ANO9: variants seen among roughly 807,000 people sequenced by gnomAD.
The protein encoded by ANO9 is anoctamin-9.
Under a neutral mutation model 100.5 loss-of-function variants are expected in ANO9, and 80 were observed. That is an observed-to-expected ratio of 0.80 (90% CI 0.66 to 0.96). The LOEUF (loss-of-function observed/expected upper bound fraction) is 0.96, where lower values mean the gene tolerates loss of function less well. Among genes scored for constraint, ANO9 ranks in the 40% least tolerant of loss-of-function variants. The pLI, the probability that ANO9 is intolerant of heterozygous loss-of-function variation, is 0.00. For missense variants in ANO9, 1,064 were observed against 1,072.7 expected, an observed-to-expected ratio of 0.99 and a Z score of 0.11; for synonymous variants, 473 against 435.6, an observed-to-expected ratio of 1.09 and a Z score of -1.07.
rs549448855 is a variant in ANO9 at position 425,295 on chromosome 11, G to A, written c.1334+2793C>T. Among the ~76,000 whole-genome samples, 9 of 148,716 alleles carry A rather than the reference G, an allele frequency of 6.1e-5. No individual in the cohort carries two copies. In the South Asian group the frequency reaches 1.9e-3, roughly 32 times the overall value. ...CGTGGAGAGACGGGACGCGCGGGAG[G>A]AAAAGGCTCCCAAGGAAGATCTCTG... On this transcript the variant is annotated intron_variant, in intron 15 of 22. Transcript: ENST00000332826.
intron 15 of ANO9, among the ~76,000 whole-genome samples, chr11:425,622 C>T (rs577501782): frequency 5.3e-5 from 8 of 149,900 alleles, no homozygotes; most frequent in East Asian, 3.9e-4. Context: ...AAAAATGCTC[C>T]GATAATATGA....
At position 431,773 on chromosome 11, in the gene ANO9, T is replaced by C. The variant is rs776356345; in HGVS notation, c.466-6A>G. 1.2e-6 allele frequency: 2 copies of C among 1,612,394 alleles called. No homozygotes were observed. The highest frequency in any genetic ancestry group is 1.7e-6 in the Non-Finnish European group (2 of 1,179,508). ...TTCTTCAGGCGTCCCTCCCCCTGGCTCGGGTGACAGAGAGTGAGAGCCCCC... is the reference window on the plus strand; with the variant it reads ...TTCTTCAGGCGTCCCTCCCCCTGGCCCGGGTGACAGAGAGTGAGAGCCCCC... On this transcript the variant is annotated splice_region_variant and splice_polypyrimidine_tract_variant and intron_variant, in intron 6 of 22. Coordinates refer to ENST00000332826, the MANE Select transcript of ANO9 (RefSeq NM_001012302.3).
rs1376537426 is a variant in ANO9 at position 431,396 on chromosome 11, C to T, written c.539+298G>A. On this transcript the variant is annotated intron_variant, in intron 7 of 22. Coordinates refer to ENST00000332826, the MANE Select transcript of ANO9 (RefSeq NM_001012302.3). ...GGGGGCTCCCGCGGGTATCTGGGGG[C>T]GTCTGCGGGGATGTGGGGGCGTCCG... 3.0e-5 allele frequency among the ~76,000 whole-genome samples: 3 copies of T among 98,652 alleles called. No homozygotes were observed. In the East Asian group the frequency reaches 1.0e-3, roughly 34 times the overall value. The allele number at this position is 98,652 out of a possible 152,430, so 64.7% of individuals were successfully genotyped here. A position where few individuals can be genotyped will look rare whatever the true frequency, so the allele number is the denominator to read the frequency against.
At chr11:439,961 G>T (rs1184546226) in intron 1 of ANO9, among the ~76,000 whole-genome samples, 1 of 152,260 alleles carries the variant, frequency 6.6e-6, no homozygotes, top group Non-Finnish European at 1.5e-5. Flanking sequence ...TGGACGCAGG[G>T]GCGGGGGCCT....
rs1204792075 is a variant in ANO9 at position 429,760 on chromosome 11, CAG to C, written c.828_829del (p.Trp277GlyfsTer37). ...AGAGGCGTCCCGCAGCAACTCACCC[CAG>C]AGAGCCATGAAGATGGCGAACACCA... On this transcript the variant is annotated frameshift_variant, in exon 10 of 23. Coordinates refer to ENST00000332826, the MANE Select transcript of ANO9 (RefSeq NM_001012302.3). LOFTEE classifies it high-confidence loss of function. 1 of 1,611,246 alleles carries C rather than the reference CAG, an allele frequency of 6.2e-7. No homozygotes were observed. The highest frequency in any genetic ancestry group is 8.5e-7 in the Non-Finnish European group (1 of 1,178,986).
At position 430,254 on chromosome 11, in the gene ANO9, C is replaced by T; in HGVS notation, c.674+15G>A. ...CCACCCCGGCCCCCCATGCCCGGCC[C>T]CTGCTGCGGCCCACCTGATCTGGCT... On this transcript the variant is annotated intron_variant, in intron 8 of 22. Transcript: ENST00000332826. The T allele has an allele frequency of 6.4e-7, 1 of 1,556,658 alleles. No individual in the cohort carries two copies. The highest frequency in any genetic ancestry group is 8.7e-7 in the Non-Finnish European group (1 of 1,150,976).
Position 418,355 on chromosome 11 carries a change from T to C in ANO9, c.*16A>G. ...CACTGTCTCAGCTCCTGGTGGCCTC[T>C]GGACGGGCTCTGGCCCTACACGTCT... is the stretch of plus-strand genomic sequence containing the variant. On this transcript the variant is annotated 3_prime_UTR_variant, in exon 23 of 23. Coordinates refer to ENST00000332826, the MANE Select transcript of ANO9 (RefSeq NM_001012302.3). The C allele has an allele frequency of 6.3e-7, 1 of 1,579,042 alleles. No individual in the cohort carries two copies. Among genetic ancestry groups the C allele is most frequent in the Non-Finnish European group, 8.6e-7 (1 of 1,163,216 alleles).
chr11:439,802 C>CTCCTCAGA (rs11281803), intron 1 of ANO9, among the ~76,000 whole-genome samples: 3 of 152,166 alleles, frequency 2.0e-5, no homozygotes, highest in African/African-American at 7.2e-5. Flanking sequence ...GCTGGCTCTG[C>CTCCTCAGA]GCTCCTGAAG....
rs191836215 is a variant in ANO9, at chr11:423,610, C to T, written c.1335-2412G>A. ...ATAGCCTCCACCTCCCAGGCTCCAGCGATCCTCCTACCTCAGCCTCCCAAG... is the reference window on the plus strand; with the variant it reads ...ATAGCCTCCACCTCCCAGGCTCCAGTGATCCTCCTACCTCAGCCTCCCAAG... On this transcript the variant is annotated intron_variant, in intron 15 of 22. Transcript: ENST00000332826. Among the ~76,000 whole-genome samples the T allele has an allele frequency of 4.9e-4, 74 of 152,014 alleles. No homozygotes were observed. In the East Asian group the frequency reaches 0.01, roughly 21 times the overall value.
At chr11:420,234 A>T (rs946081590) in intron 19 of ANO9, 109 of 1,420,394 alleles carry the variant, frequency 7.7e-5, no homozygotes, top group Non-Finnish European at 9.8e-5. Context: ...CCCCTCTGAG[A>T]TCCTGACGGT....
intron 20 of ANO9, 145 bp from the exon 21 acceptor site, chr11:419,134 G>T (rs979099195): frequency 1.6e-5 from 23 of 1,471,250 alleles, no homozygotes; most frequent in Non-Finnish European, 6.3e-6. Context: ...CGGGGCTCCC[G>T]GGCCAAGCAC....
At chr11:434,814 G>T (rs946720628) in intron 1 of ANO9, among the ~76,000 whole-genome samples, 3 of 152,192 alleles carry the variant, frequency 2.0e-5, no homozygotes, top group Admixed American at 1.3e-4. Flanking sequence ...AGAACCTTCC[G>T]GAGGAGGGGA....
In ANO9 at chr11:428,623, C is replaced by T. The variant is rs866438688; in HGVS notation, c.1037G>A (p.Gly346Asp). The T allele has an allele frequency of 2.5e-6, 4 of 1,611,936 alleles. No homozygotes were observed. In the Middle Eastern group the frequency reaches 5.0e-4, roughly 200 times the overall value. The change falls in exon 13 of 23, where the codon GGC becomes GAC. Residue 346 changes from glycine (G) to aspartate (D), a missense_variant. Physicochemically the swap from Gly to Asp is moderately conservative, Grantham distance 94. Coordinates refer to ENST00000332826, the MANE Select transcript of ANO9 (RefSeq NM_001012302.3). ...LTLLMICLMI[G>D]MAHVLVVYRV... ...GTAGACCACCAGGACGTGGGCCATGCCGATCATGAGGCAGATCTGCGGGAC... is the reference window on the plus strand; with the variant it reads ...GTAGACCACCAGGACGTGGGCCATGTCGATCATGAGGCAGATCTGCGGGAC...
At chr11:429,992 G>A in intron 9 of ANO9, 91 bp downstream of exon 9, 2 of 1,440,568 alleles carry the variant, frequency 1.4e-6, no homozygotes, top group Non-Finnish European at 1.9e-6. Flanking sequence ...GAGCAGCTCT[G>A]CAGGGCTCCA....
chr11:433,965 G>A (rs7396778), intron 2 of ANO9, 28 bp from the exon 3 acceptor site: 283,039 of 1,553,238 alleles, frequency 0.18, 26,142 homozygotes, highest in African/African-American at 0.25. Flanking sequence ...GGGGCCAGGC[G>A]CAGGTGAAGG....
At chr11:419,312 G>T in intron 20 of ANO9, 1 of 1,408,460 alleles carries the variant, frequency 7.1e-7, no homozygotes, top group Non-Finnish European at 9.2e-7. Flanking sequence ...CATCGGGAGG[G>T]AGCCGTTCTG....
chr11:433,113 C>A, intron 4 of ANO9: 1 of 661,736 alleles, frequency 1.5e-6, no homozygotes, highest in Non-Finnish European at 2.4e-6. Flanking sequence ...GCGTTGAGAA[C>A]CACCGTGATC....
chr11:421,211 G>A lies in ANO9; in HGVS notation c.1335-13C>T, dbSNP rs370314986. 5.2e-5 allele frequency: 79 copies of A among 1,529,906 alleles called. No homozygotes were observed. The African/African-American group carries it at 1.0e-3, about 20-fold the overall frequency. The allele number at this position is 1,529,906 out of a possible 1,614,324, so 94.8% of individuals were successfully genotyped here. On this transcript the variant is annotated splice_polypyrimidine_tract_variant and intron_variant, in intron 15 of 22. Transcript: ENST00000332826. The surrounding 1 kb of genome is among the most constrained non-coding windows in gnomAD (Gnocchi z 6.8). ...GTGGCCGTTGATCCTGGGGAGGAAG[G>A]GGAAGTCTGGGGCACTGCGGGCAGC...
intron 1 of ANO9, among the ~76,000 whole-genome samples, chr11:438,288 C>G (rs1845535122): frequency 6.6e-6 from 1 of 152,006 alleles, no homozygotes; most frequent in Non-Finnish European, 1.5e-5. Context: ...CTCCCTCGGA[C>G]AAGGCAGAAG....
Sources: allele counts gnomAD v4.1 joint callset (sites outside exome capture counted in the v4.1 genomes callset), GRCh38; gene constraint gnomAD v4.1.1; non-coding constraint Gnocchi (gnomAD v3.1); transcripts MANE v1.5; gene names NCBI Gene and HGNC (gene_info 2026-07-23, HGNC 2026-07-21).